Variants in ZFYVE21 observed in about 807,000 individuals in gnomAD.
The protein encoded by ZFYVE21 is zinc finger FYVE domain-containing protein 21.
In ZFYVE21, 21 loss-of-function variants were observed where a neutral mutation model predicts 29.5. That is an observed-to-expected ratio of 0.71 (90% CI 0.50 to 1.02). The LOEUF is 1.02. ZFYVE21 is among the 50% of genes least tolerant of loss of function. The pLI is 0.00. For synonymous variants in ZFYVE21, 151 were observed against 133.8 expected, an observed-to-expected ratio of 1.13 and a Z score of -0.89; for missense variants, 326 against 335.4, an observed-to-expected ratio of 0.97 and a Z score of 0.22.
At chr14:103,725,622 T>TG (rs1365224835) in intron 1 of ZFYVE21, 1 of 152,288 alleles carries the variant, frequency 6.6e-6, no homozygotes, top group Admixed American at 6.5e-5. Context: ...GAGGGCCTCC[T>TG]GGCAGGGGCT....
chr14:103,729,469 T>G, intron 5 of ZFYVE21: 1 of 566,126 alleles, frequency 1.8e-6, no homozygotes, highest in Non-Finnish European at 3.1e-6. Context: ...ATTCGGTTTA[T>G]TGTTGGATTC....
chr14:103,715,813 G>A lies in ZFYVE21; in HGVS notation c.-29G>A, dbSNP rs1355565183. On this transcript the variant is annotated 5_prime_UTR_variant, in exon 1 of 7. Coordinates refer to ENST00000311141, the MANE Select transcript of ZFYVE21 (RefSeq NM_024071.4). The stretch of plus-strand genomic sequence containing the variant: ...GGCTGGGCGAGGGGCCGGGTGCGGG[G>A]CCGCTGGCCGAGAGGCTGAGGCGGC... 2 of 1,333,600 alleles carry A rather than the reference G, an allele frequency of 1.5e-6. No individual in the cohort carries two copies. The highest frequency in any genetic ancestry group is 1.7e-5 in the South Asian group (1 of 59,370). 82.6% of individuals were successfully genotyped at this position (1,333,600 alleles called of 1,614,324 possible). A position where few individuals can be genotyped will look rare whatever the true frequency, so the allele number is the denominator to read the frequency against.
intron 1 of ZFYVE21, among the ~76,000 whole-genome samples, chr14:103,723,968 C>T (rs904254927): frequency 1.2e-4 from 18 of 152,302 alleles, no homozygotes; most frequent in African/African-American, 4.3e-4. Context: ...GTGATGGCAC[C>T]GCATCAGAGC....
chr14:103,731,329 G>A (rs2083971765), intron 5 of ZFYVE21: 2 of 151,322 alleles, frequency 1.3e-5, no homozygotes, highest in South Asian at 2.1e-4. Flanking sequence ...GCCAGGCACG[G>A]TGGCTCATGC....
intron 5 of ZFYVE21, chr14:103,729,438 C>G: frequency 3.5e-6 from 2 of 573,452 alleles, no homozygotes; most frequent in Non-Finnish European, 6.2e-6. Context: ...ATTTCCTCTG[C>G]TCTAAATGCT....
chr14:103,729,451 A>G (rs1227295964), intron 5 of ZFYVE21: 3 of 570,778 alleles, frequency 5.3e-6, no homozygotes, highest in African/African-American at 1.9e-5. Flanking sequence ...TAAATGCTCT[A>G]ACGTATCATT....
At chr14:103,725,007 A>G (rs1039418810) in intron 1 of ZFYVE21, 8 of 152,256 alleles carry the variant, frequency 5.3e-5, no homozygotes, top group Admixed American at 3.9e-4. Flanking sequence ...GGCTTACCAA[A>G]TCCGGGGACC....
intron 1 of ZFYVE21, among the ~76,000 whole-genome samples, chr14:103,719,450 G>A (rs1430536670): frequency 7.1e-6 from 1 of 141,538 alleles, no homozygotes; most frequent in African/African-American, 2.6e-5. Context: ...GCAAGACTCT[G>A]TCTCAAAAAA....
intron 1 of ZFYVE21, among the ~76,000 whole-genome samples, chr14:103,719,950 C>T (rs1415796378): frequency 2.6e-5 from 4 of 152,110 alleles, no homozygotes; most frequent in Non-Finnish European, 4.4e-5. Flanking sequence ...GAGGCCAGGC[C>T]GCCTGTAGCA....
In ZFYVE21 at chr14:103,722,058, G is replaced by A. The variant is rs143839298; in HGVS notation, c.139-4734G>A. On this transcript the variant is annotated intron_variant, in intron 1 of 6. Transcript: ENST00000311141. ...GCTGCGGGGTCCAGTTAAAGGAGGCGCTGGTGGGAGCCTGGTCTGGGGCCC... is the reference window on the plus strand; with the variant it reads ...GCTGCGGGGTCCAGTTAAAGGAGGCACTGGTGGGAGCCTGGTCTGGGGCCC... Among the ~76,000 whole-genome samples, 492 of 152,142 alleles carry A rather than the reference G, an allele frequency of 3.2e-3. 1 individual carries two copies. Among genetic ancestry groups the A allele is most frequent in the Admixed American group, 8.2e-3 (126 of 15,306 alleles).
chr14:103,722,925 C>T (rs2083886106), intron 1 of ZFYVE21, among the ~76,000 whole-genome samples: 1 of 152,174 alleles, frequency 6.6e-6, no homozygotes, highest in African/African-American at 2.4e-5. Flanking sequence ...GCTGGGATTA[C>T]AGGCGTGAGC....
chr14:103,721,926 C>T (rs887174003), intron 1 of ZFYVE21, among the ~76,000 whole-genome samples: 1 of 152,222 alleles, frequency 6.6e-6, no homozygotes, highest in African/African-American at 2.4e-5. Flanking sequence ...GCTGGCATTC[C>T]AGACACCGCT....
rs1240087755 is a variant in ZFYVE21, at chr14:103,716,649, G to T, written c.138+670G>T. 6.6e-6 allele frequency among the ~76,000 whole-genome samples: 1 copy of T among 152,240 alleles called. No homozygotes were observed. Among genetic ancestry groups the T allele is most frequent in the Non-Finnish European group, 1.5e-5 (1 of 68,046 alleles). ...ACAGTTTGAAGGAGACCGCAGATTT[G>T]CACCCGTTTCCCATGGGCCCAGACA... is the stretch of plus-strand genomic sequence containing the variant. On this transcript the variant is annotated intron_variant, in intron 1 of 6. Transcript: ENST00000311141. This position sits in a 1 kb window ranked among gnomAD's most constrained non-coding sequence, Gnocchi z 4.8.
At chr14:103,732,894 C>A (rs564212731) in intron 6 of ZFYVE21, 89 bp from the exon 7 acceptor site, 3 of 1,605,132 alleles carry the variant, frequency 1.9e-6, no homozygotes, top group Non-Finnish European at 2.6e-6. Context: ...GGGGTGCCCA[C>A]GCCATCTCCC....
At chr14:103,720,711 G>T (rs563074091) in intron 1 of ZFYVE21, among the ~76,000 whole-genome samples, 2 of 152,110 alleles carry the variant, frequency 1.3e-5, no homozygotes, top group East Asian at 3.9e-4. Flanking sequence ...TGTGACCCTC[G>T]AGGGGCCGTT....
Position 103,716,708 on chromosome 14 carries a change from T to C in ZFYVE21, c.138+729T>C, listed in dbSNP as rs892867661. Among the ~76,000 whole-genome samples the C allele has an allele frequency of 1.3e-5, 2 of 152,156 alleles. No individual in the cohort carries two copies. The highest frequency in any genetic ancestry group is 2.9e-5 in the Non-Finnish European group (2 of 68,012). On this transcript the variant is annotated intron_variant, in intron 1 of 6. Transcript: ENST00000311141. This position sits in a 1 kb window ranked among gnomAD's most constrained non-coding sequence, Gnocchi z 4.8. The stretch of plus-strand genomic sequence containing the variant: ...GTTGCCCAGGCCACTCCTGCAGACA[T>C]TGGGGCGTGGGCGTGGGGTCCCTGA...
At chr14:103,726,427 C>A in intron 1 of ZFYVE21, 1 of 182,068 alleles carries the variant, frequency 5.5e-6, no homozygotes, top group Admixed American at 6.2e-5. Flanking sequence ...GTTCCAGTAA[C>A]AGGACCAGGG....
intron 1 of ZFYVE21, among the ~76,000 whole-genome samples, chr14:103,717,660 A>C (rs1300334358): frequency 6.6e-6 from 1 of 152,098 alleles, no homozygotes; most frequent in Non-Finnish European, 1.5e-5. Context: ...TCAAGGTGGC[A>C]CCCCTCGTGG....
chr14:103,717,917 G>A (rs1181218022), intron 1 of ZFYVE21, among the ~76,000 whole-genome samples: 1 of 152,236 alleles, frequency 6.6e-6, no homozygotes, highest in Non-Finnish European at 1.5e-5. Context: ...AACTTAGAAC[G>A]GGGCAGTAAG....
Sources: allele counts gnomAD v4.1 joint callset (sites outside exome capture counted in the v4.1 genomes callset), GRCh38; gene constraint gnomAD v4.1.1; non-coding constraint Gnocchi (gnomAD v3.1); transcripts MANE v1.5; gene names NCBI Gene and HGNC (gene_info 2026-07-23, HGNC 2026-07-21).